The following LPAR1 variants were observed in gnomAD, a reference collection of about 807,000 sequenced individuals.
LPAR1 encodes lysophosphatidic acid receptor 1, also known as LPA receptor 1.
LPAR1 carries 5 observed loss-of-function variants against 23.8 expected under a neutral mutation model. That is an observed-to-expected ratio of 0.21 (90% confidence interval 0.11 to 0.44). The LOEUF is 0.44. Among genes scored for constraint, LPAR1 ranks in the 20% least tolerant of loss-of-function variants. LPAR1 has a pLI of 0.99. For synonymous variants in LPAR1, 160 were observed against 164.7 expected, an observed-to-expected ratio of 0.97 and a Z score of 0.22; for missense variants, 311 against 482.8, an observed-to-expected ratio of 0.64 and a Z score of 3.33.
At chr9:110,902,582 C>T (rs1299448819) in intron 5 of LPAR1, among the ~76,000 whole-genome samples, 1 of 152,124 alleles carries the variant, frequency 6.6e-6, no homozygotes, top group Non-Finnish European at 1.5e-5. Context: ...TTATAAATTA[C>T]CCAGTCTCAG....
chr9:110,927,016 C>A (rs1167361705), intron 5 of LPAR1, among the ~76,000 whole-genome samples: 1 of 152,212 alleles, frequency 6.6e-6, no homozygotes, highest in African/African-American at 2.4e-5. Flanking sequence ...AGCCTTTAAA[C>A]AAGTGTCCCA....
At chr9:110,988,809 T>C (rs568854581) in intron 2 of LPAR1, among the ~76,000 whole-genome samples, 4 of 152,260 alleles carry the variant, frequency 2.6e-5, no homozygotes, top group African/African-American at 9.6e-5. Flanking sequence ...ACTGAAAATA[T>C]ATATCCACAC....
At chr9:110,918,112 G>A (rs1286935070) in intron 5 of LPAR1, among the ~76,000 whole-genome samples, 1 of 151,866 alleles carries the variant, frequency 6.6e-6, no homozygotes, top group African/African-American at 2.4e-5. Flanking sequence ...GTAGAGATGG[G>A]GTTTTTCCAT....
Position 110,974,303 on chromosome 9 carries a change from A to G in LPAR1, c.-181-745T>C, listed in dbSNP as rs1017518804. Among the ~76,000 whole-genome samples the G allele has an allele frequency of 2.6e-5, 4 of 152,234 alleles. No homozygotes were observed. The South Asian group carries it at 8.3e-4, about 31-fold the overall frequency. On this transcript the variant is annotated intron_variant, in intron 2 of 5. Transcript: ENST00000683809. ...TGATACTTTTCATAATAGTAAAAGT[A>G]ATGAACCAGATGTCACAAGATCCAA... is the stretch of plus-strand genomic sequence containing the variant.
At chr9:110,943,803 T>A (rs1363559519) in intron 4 of LPAR1, among the ~76,000 whole-genome samples, 1 of 145,548 alleles carries the variant, frequency 6.9e-6, no homozygotes, top group East Asian at 2.0e-4. Context: ...GAGGTTGCAG[T>A]GAGCCAAGAT....
intron 2 of LPAR1, among the ~76,000 whole-genome samples, chr9:110,979,046 T>C (rs751940582): frequency 2.2e-4 from 34 of 152,178 alleles, no homozygotes; most frequent in African/African-American, 4.6e-4. Context: ...TAGATAATGA[T>C]GATACATGGT....
chr9:110,943,438 T>C (rs961489100), intron 4 of LPAR1, among the ~76,000 whole-genome samples: 3 of 152,174 alleles, frequency 2.0e-5, no homozygotes, highest in Admixed American at 2.0e-4. Flanking sequence ...AAGTGGTTAG[T>C]CTTCTGACTT....
At position 110,942,174 on chromosome 9, in the gene LPAR1, A is replaced by C. The variant is rs1460783918; in HGVS notation, c.46-6T>G. On this transcript the variant is annotated splice_polypyrimidine_tract_variant and splice_region_variant and intron_variant, in intron 4 of 5. Coordinates refer to ENST00000683809, the MANE Select transcript of LPAR1 (RefSeq NM_001351411.2). Reference sequence around the variant, plus strand: ...GGTTCATTCATGGCTGTGAACTAAAAGAAAAAGGAGAAAAGATGATGAAAA... The same window carrying C: ...GGTTCATTCATGGCTGTGAACTAAACGAAAAAGGAGAAAAGATGATGAAAA... 5 of 1,589,312 alleles carry C rather than the reference A, an allele frequency of 3.1e-6. No individual in the cohort carries two copies. The highest frequency in any genetic ancestry group is 4.3e-6 in the Non-Finnish European group (5 of 1,170,802).
At position 110,973,565 on chromosome 9, in the gene LPAR1, G is replaced by A. The variant is rs2096484570; in HGVS notation, c.-181-7C>T. 6.6e-6 allele frequency: 1 copy of A among 152,170 alleles called. No homozygotes were observed. Among genetic ancestry groups the A allele is most frequent in the African/African-American group, 2.4e-5 (1 of 41,442 alleles). 9.4% of individuals were successfully genotyped at this position (152,170 alleles called of 1,614,324 possible). On this transcript the variant is annotated splice_polypyrimidine_tract_variant and splice_region_variant and intron_variant, in intron 2 of 5. Transcript: ENST00000683809. ...TCATAAATCAGACGTCCACCTGTGT[G>A]AGAAAGAGAACATTTCTAAAATCCT...
At chr9:111,026,307 T>C (rs764251520) in intron 2 of LPAR1, among the ~76,000 whole-genome samples, 23 of 152,170 alleles carry the variant, frequency 1.5e-4, no homozygotes, top group Non-Finnish European at 2.8e-4. Flanking sequence ...TGGGAGTTCA[T>C]TTATGATTTG....
chr9:110,876,783 G>C (rs891961384), intron 5 of LPAR1, among the ~76,000 whole-genome samples: 5 of 152,174 alleles, frequency 3.3e-5, no homozygotes, highest in Non-Finnish European at 7.3e-5. Context: ...AACTGTAAGA[G>C]GAATGAAAAT....
At chr9:110,903,882 C>CA (rs61456167) in intron 5 of LPAR1, among the ~76,000 whole-genome samples, 17,983 of 75,108 alleles carry the variant, frequency 0.24, 2,662 homozygotes, top group Non-Finnish European at 0.27. Flanking sequence ...AAGTGAATTG[C>CA]AAAAAAAAAA....
chr9:110,991,216 TAAG>T (rs755731142), intron 2 of LPAR1, among the ~76,000 whole-genome samples: 10 of 152,196 alleles, frequency 6.6e-5, no homozygotes, highest in Non-Finnish European at 1.3e-4. Flanking sequence ...GTAACAAATG[TAAG>T]AAGACATATT....
intron 2 of LPAR1, among the ~76,000 whole-genome samples, chr9:110,995,963 G>C (rs1010264659): frequency 1.3e-5 from 2 of 152,106 alleles, no homozygotes; most frequent in African/African-American, 4.8e-5. Flanking sequence ...GAAGGGAAAA[G>C]GAGCCTCTTT....
chr9:111,023,381 C>T (rs1023932186), intron 2 of LPAR1, among the ~76,000 whole-genome samples: 5 of 152,376 alleles, frequency 3.3e-5, no homozygotes, highest in Admixed American at 2.6e-4. Context: ...ACATTCTCAT[C>T]TGCAGACCTA....
chr9:110,973,909 G>A (rs1376633748), intron 2 of LPAR1, among the ~76,000 whole-genome samples: 1 of 152,120 alleles, frequency 6.6e-6, no homozygotes, highest in African/African-American at 2.4e-5. Flanking sequence ...AGCAGCTCAG[G>A]CCTGTAATCT....
At chr9:111,012,249 T>C (rs2097345027) in intron 2 of LPAR1, among the ~76,000 whole-genome samples, 1 of 151,970 alleles carries the variant, frequency 6.6e-6, no homozygotes, top group African/African-American at 2.4e-5. Flanking sequence ...AAACCCTGTC[T>C]CAAACAAACA....
chr9:110,931,519 C>G (rs2094415455), intron 5 of LPAR1, among the ~76,000 whole-genome samples: 1 of 152,038 alleles, frequency 6.6e-6, no homozygotes, highest in Non-Finnish European at 1.5e-5. Flanking sequence ...TGTGCAGAAG[C>G]TCTTAATTAG....
At chr9:110,945,508 T>A (rs889100213) in intron 4 of LPAR1, 1 of 152,180 alleles carries the variant, frequency 6.6e-6, no homozygotes, top group African/African-American at 2.4e-5. Flanking sequence ...GTTAACATAG[T>A]AACATTGAAA....
Sources: gnomAD v4.1 joint callset for allele counts (sites outside exome capture counted in the v4.1 genomes callset) on GRCh38, gnomAD v4.1.1 for gene constraint, MANE v1.5 for transcripts, NCBI Gene and HGNC (gene_info 2026-07-23, HGNC 2026-07-21) for gene names.